KDM4C: variants seen among roughly 807,000 people sequenced by gnomAD.
KDM4C encodes the protein lysine demethylase 4C, also known as lysine-specific demethylase 4C.
KDM4C carries 81 observed loss-of-function variants against 129.3 expected under a neutral mutation model. The observed-to-expected ratio is 0.63, with a 90% CI of 0.52 to 0.75. The LOEUF is 0.75. Ranked by LOEUF, KDM4C falls within the 30% of genes least tolerant of loss-of-function variation. The probability of loss-of-function intolerance (pLI) is 0.00; values close to 1 mark genes in which losing one functional copy is unlikely to be tolerated. For missense variants in KDM4C, 1,457 were observed against 1,304.0 expected, an observed-to-expected ratio of 1.12 and a Z score of -1.81; for synonymous variants, 573 against 456.1, an observed-to-expected ratio of 1.26 and a Z score of -3.26.
chr9:7,058,971 G>A (rs934821618), intron 17 of KDM4C, among the ~76,000 whole-genome samples: 1 of 152,098 alleles, frequency 6.6e-6, no homozygotes, highest in Non-Finnish European at 1.5e-5. Flanking sequence ...AAGAATTTGA[G>A]CTTTCTACAT....
At chr9:7,049,286 G>A in intron 17 of KDM4C, 86 bp downstream of exon 17, 1 of 585,160 alleles carries the variant, frequency 1.7e-6, no homozygotes, top group Non-Finnish European at 3.0e-6. Context: ...CATTCCCAAG[G>A]TATATTTTCT....
chr9:7,062,714 A>C (rs1296773971), intron 17 of KDM4C, among the ~76,000 whole-genome samples: 2 of 151,554 alleles, frequency 1.3e-5, no homozygotes, highest in Non-Finnish European at 2.9e-5. Flanking sequence ...ATTTGAACTT[A>C]CAGAATTATT....
At chr9:7,034,929 C>T (rs191847332) in intron 15 of KDM4C, among the ~76,000 whole-genome samples, 1 of 152,182 alleles carries the variant, frequency 6.6e-6, no homozygotes, top group Admixed American at 6.5e-5. Context: ...GTGATGTTTA[C>T]CCTTTCTTTT....
chr9:7,009,436 G>A (rs1822276906), intron 12 of KDM4C, among the ~76,000 whole-genome samples: 1 of 152,100 alleles, frequency 6.6e-6, no homozygotes. Context: ...AGTGTGTACA[G>A]AAATATTTTA....
At chr9:7,143,405 A>T (rs1449352011) in intron 19 of KDM4C, among the ~76,000 whole-genome samples, 1 of 152,226 alleles carries the variant, frequency 6.6e-6, no homozygotes, top group African/African-American at 2.4e-5. Flanking sequence ...ATCTGGTGTG[A>T]AAAGAATAGA....
At chr9:7,020,880 T>G (rs1032520231) in intron 15 of KDM4C, among the ~76,000 whole-genome samples, 1 of 151,812 alleles carries the variant, frequency 6.6e-6, no homozygotes, top group Admixed American at 6.6e-5. Flanking sequence ...GTAGTCACCT[T>G]GCTGTGTAGC....
intron 4 of KDM4C, among the ~76,000 whole-genome samples, chr9:6,839,154 A>G (rs1489841975): frequency 6.6e-6 from 1 of 152,214 alleles, no homozygotes; most frequent in African/African-American, 2.4e-5. Flanking sequence ...CTTTAAAGAC[A>G]AAGTCTTCTA....
chr9:6,986,930 C>T (rs2146790), intron 11 of KDM4C: 219,532 of 379,892 alleles, frequency 0.58, 64,608 homozygotes, highest in South Asian at 0.71. Context: ...AAACTCTTTA[C>T]TTTGAGGTAA....
chr9:6,782,550 G>C (rs1824588882), intron 1 of KDM4C, among the ~76,000 whole-genome samples: 2 of 152,098 alleles, frequency 1.3e-5, no homozygotes, highest in Non-Finnish European at 2.9e-5. Context: ...GAAGGTATTC[G>C]TAACGGCGTA....
intron 8 of KDM4C, among the ~76,000 whole-genome samples, chr9:6,972,127 G>C (rs1015687166): frequency 5.3e-5 from 8 of 152,046 alleles, no homozygotes; most frequent in Non-Finnish European, 7.4e-5. Context: ...AACACCTTTG[G>C]TTTAAGATAA....
chr9:7,033,554 A>G (rs1414377082), intron 15 of KDM4C, among the ~76,000 whole-genome samples: 1 of 152,228 alleles, frequency 6.6e-6, no homozygotes, highest in African/African-American at 2.4e-5. Flanking sequence ...CTGACAGCAT[A>G]GCTATGATGT....
At position 7,151,456 on chromosome 9, in the gene KDM4C, C is replaced by T. The variant is rs190440504; in HGVS notation, c.2782-13782C>T. 1.8e-3 allele frequency among the ~76,000 whole-genome samples: 276 copies of T among 152,036 alleles called. 1 individual carries two copies. The highest frequency in any genetic ancestry group is 6.4e-3 in the African/African-American group (266 of 41,446). On this transcript the variant is annotated intron_variant, in intron 19 of 21. Coordinates refer to ENST00000381309, the MANE Select transcript of KDM4C (RefSeq NM_015061.6). ...CCTGTAATCCCAGCACTTCGGGAGGCGGAAGTGGTTGTGCCCAGCTATGTT... is the reference window on the plus strand; with the variant it reads ...CCTGTAATCCCAGCACTTCGGGAGGTGGAAGTGGTTGTGCCCAGCTATGTT...
chr9:6,879,916 A>G (rs531038264), intron 5 of KDM4C, 96 bp from the exon 6 acceptor site: 12 of 571,854 alleles, frequency 2.1e-5, no homozygotes, highest in Non-Finnish European at 3.4e-5. Context: ...TTGGTGTTGA[A>G]TTTCTTTTAT....
At chr9:6,933,163 G>C (rs141609768) in intron 8 of KDM4C, among the ~76,000 whole-genome samples, 1 of 152,168 alleles carries the variant, frequency 6.6e-6, no homozygotes, top group Non-Finnish European at 1.5e-5. Flanking sequence ...AATTGAATCA[G>C]CTTTTCTATT....
At chr9:6,760,430 TTTCTC>T (rs1321885083) in intron 1 of KDM4C, among the ~76,000 whole-genome samples, 3 of 145,238 alleles carry the variant, frequency 2.1e-5, no homozygotes, top group Non-Finnish European at 3.0e-5. Flanking sequence ...GGACGCGTGT[TTTCTC>T]TACTCTTGGG....
At chr9:7,127,201 A>G (rs1050621817) in intron 18 of KDM4C, among the ~76,000 whole-genome samples, 26 of 152,210 alleles carry the variant, frequency 1.7e-4, no homozygotes, top group African/African-American at 4.8e-4. Flanking sequence ...ACAAAACTCA[A>G]CGGACACTAA....
intron 19 of KDM4C, among the ~76,000 whole-genome samples, chr9:7,154,187 A>G (rs1233063922): frequency 6.6e-6 from 1 of 152,170 alleles, no homozygotes; most frequent in Non-Finnish European, 1.5e-5. Flanking sequence ...CGAACAGATG[A>G]CAGATAGCCA....
At chr9:6,881,756 C>T (rs994036959) in intron 6 of KDM4C, among the ~76,000 whole-genome samples, 3 of 152,118 alleles carry the variant, frequency 2.0e-5, no homozygotes, top group Non-Finnish European at 2.9e-5. Flanking sequence ...AACTCTTTTG[C>T]AGCAATATTT....
chr9:6,734,689 G>T (rs981319460), intron 1 of KDM4C: 1 of 306,684 alleles, frequency 3.3e-6, no homozygotes, highest in African/African-American at 2.2e-5. Context: ...TCCTTTCACA[G>T]TGATTATGGC....
Sources: gnomAD v4.1 joint callset for allele counts (sites outside exome capture counted in the v4.1 genomes callset) on GRCh38, gnomAD v4.1.1 for gene constraint, MANE v1.5 for transcripts, NCBI Gene and HGNC (gene_info 2026-07-23, HGNC 2026-07-21) for gene names.